MACF1: variants seen among roughly 807,000 people sequenced by gnomAD.
The protein encoded by MACF1 is microtubule actin crosslinking factor 1.
A neutral mutation model predicts 854.8 loss-of-function variants in MACF1; 193 were observed. The ratio of observed to expected loss-of-function variants is 0.23; its 90% CI spans 0.20 to 0.25. MACF1 has a LOEUF of 0.25. Among genes scored for constraint, MACF1 ranks in the 10% least tolerant of loss-of-function variants. The pLI is 1.00. For missense variants in MACF1, 7,722 were observed against 8,929.1 expected (o/e 0.86, Z 5.45); for synonymous variants, 3,185 against 3,226.7 (o/e 0.99, Z 0.44).
At chr1:39,195,572 G>A (rs1415654741) in intron 2 of MACF1, among the ~76,000 whole-genome samples, 2 of 152,164 alleles carry the variant, frequency 1.3e-5, no homozygotes, top group African/African-American at 4.8e-5. Context: ...GCTCAAGGGA[G>A]GGAGAAGTTT....
intron 31 of MACF1, among the ~76,000 whole-genome samples, chr1:39,319,975 G>A (rs1207025787): frequency 2.0e-5 from 3 of 152,140 alleles, no homozygotes; most frequent in African/African-American, 4.8e-5. Context: ...TTGCGTGACC[G>A]TAGGCCCTTT....
At chr1:39,377,556 A>G (rs1006087970) in intron 52 of MACF1, among the ~76,000 whole-genome samples, 2 of 152,238 alleles carry the variant, frequency 1.3e-5, no homozygotes, top group Admixed American at 6.5e-5. Context: ...AGCACAATTT[A>G]TAAGAATGTT....
At chr1:39,106,453 G>A (rs1642241122) in intron 2 of MACF1, among the ~76,000 whole-genome samples, 1 of 152,148 alleles carries the variant, frequency 6.6e-6, no homozygotes, top group Non-Finnish European at 1.5e-5. Context: ...CAGACAAGAG[G>A]GCCTGTGGAC....
chr1:39,414,080 C>T (rs372704424), intron 58 of MACF1: 8 of 1,604,888 alleles, frequency 5.0e-6, no homozygotes, highest in Non-Finnish European at 6.8e-6. Context: ...TCCCCAGCAG[C>T]TTCAGTGCCC....
At chr1:39,459,839 G>A (rs1644518583) in intron 91 of MACF1, 36 of 1,304,118 alleles carry the variant, frequency 2.8e-5, no homozygotes, top group Non-Finnish European at 3.5e-5. Context: ...GGAAGTGAGT[G>A]TTCTGTGTTT....
chr1:39,448,702 G>A lies in MACF1; in HGVS notation c.20197G>A (p.Asp6733Asn). The stretch of plus-strand genomic sequence containing the variant: ...GCTTCCCGAAGATAGTCAGAAACTT[G>A]ACAATTTCCTAGGAGAAGTCAGAGA... ...TLLPEDSQKLDNFLGEVRDKW... is the reference protein window; with the variant it reads ...TLLPEDSQKLNNFLGEVRDKW... The change falls in exon 84 of 101, where the codon GAC (aspartate) becomes AAC (asparagine). Residue 6733 changes from aspartate to asparagine, a missense_variant. By Grantham distance (23) the Asp-to-Asn change is conservative. This residue lies in a region of MACF1 where 729 missense variants were observed against 900.5 expected (regional missense o/e 0.81). Coordinates refer to ENST00000564288, the MANE Select transcript of MACF1 (RefSeq NM_001394062.1). 8.7e-6 allele frequency: 14 copies of A among 1,613,372 alleles called. No individual in the cohort carries two copies. Among genetic ancestry groups the A allele is most frequent in the Non-Finnish European group, 1.2e-5 (14 of 1,179,574 alleles).
intron 58 of MACF1, chr1:39,414,526 T>C: frequency 1.9e-6 from 3 of 1,607,162 alleles, no homozygotes; most frequent in Non-Finnish European, 2.6e-6. Flanking sequence ...TAAAGTGAGA[T>C]TTGCAGGGCT....
intron 2 of MACF1, among the ~76,000 whole-genome samples, chr1:39,114,170 G>T (rs1223673099): frequency 1.5e-5 from 2 of 137,122 alleles, no homozygotes; most frequent in Non-Finnish European, 1.5e-5. Context: ...CTAAAGCTCT[G>T]TATACTTTAC....
At chr1:39,394,037 T>A (rs1642171267) in intron 58 of MACF1, among the ~76,000 whole-genome samples, 1 of 152,138 alleles carries the variant, frequency 6.6e-6, no homozygotes. Context: ...CCCAAACCAG[T>A]TGGTCTTTTC....
intron 61 of MACF1, 115 bp downstream of exon 61, chr1:39,424,309 G>T: frequency 2.5e-6 from 2 of 784,522 alleles, no homozygotes; most frequent in South Asian, 4.6e-5. Context: ...GTGTTTAATG[G>T]CTTTTATTTG....
intron 66 of MACF1, among the ~76,000 whole-genome samples, chr1:39,432,287 A>T (rs963254761): frequency 6.6e-6 from 1 of 152,170 alleles, no homozygotes; most frequent in African/African-American, 2.4e-5. Flanking sequence ...AAGGGGATTG[A>T]TATCTGTTAT....
rs1265155778 is a variant in MACF1, at chr1:39,084,453, C to G, written c.220+15C>G. 4 of 1,599,840 alleles carry G rather than the reference C, an allele frequency of 2.5e-6. No individual in the cohort carries two copies. Among genetic ancestry groups the G allele is most frequent in the Non-Finnish European group, 3.4e-6 (4 of 1,176,944 alleles). Reference sequence around the variant, plus strand: ...CAGAGTCGCTGGTAAGAGAGGTCCCCCAGCAGGCTGGACGCTGTGGGTGTG... The same window carrying G: ...CAGAGTCGCTGGTAAGAGAGGTCCCGCAGCAGGCTGGACGCTGTGGGTGTG... On this transcript the variant is annotated intron_variant, in intron 2 of 93. Transcript: ENST00000361689. The surrounding 1 kb of genome is among the most constrained non-coding windows in gnomAD (Gnocchi z 5.2).
In MACF1 at chr1:39,468,668, G is replaced by A; in HGVS notation, c.21825G>A (p.Met7275Ile). ...TCCGTATTCTGCGCAGCACCGTGATGGTTCGCGTTGGTGGAGGATGGATGG... is the reference window on the plus strand; with the variant it reads ...TCCGTATTCTGCGCAGCACCGTGATAGTTCGCGTTGGTGGAGGATGGATGG... Reference protein sequence around the residue: ...RLVRILRSTVMVRVGGGWMAL... With the variant: ...RLVRILRSTVIVRVGGGWMAL... Residue 7275 changes from methionine (M) to isoleucine (I), a missense_variant, in exon 96 of 101, where the codon ATG becomes ATA. By Grantham distance (10) the Met-to-Ile change is conservative (BLOSUM62 1). Coordinates refer to ENST00000564288, the MANE Select transcript of MACF1 (RefSeq NM_001394062.1). 6.2e-7 allele frequency: 1 copy of A among 1,614,192 alleles called. No homozygotes were observed. Among genetic ancestry groups the A allele is most frequent in the South Asian group, 1.1e-5 (1 of 91,084 alleles).
chr1:39,285,475 CGAG>C, intron 13 of MACF1, 85 bp downstream of exon 13: 1 of 1,524,558 alleles, frequency 6.6e-7, no homozygotes, highest in African/African-American at 1.4e-5. Context: ...AGTTAGCAAT[CGAG>C]GAATCCAGAT....
chr1:39,434,107 A>G (rs1014111820), intron 68 of MACF1, among the ~76,000 whole-genome samples: 35 of 152,052 alleles, frequency 2.3e-4, no homozygotes, highest in Non-Finnish European at 2.9e-4. Flanking sequence ...TAATAATGCT[A>G]TATCTAAGGT....
chr1:39,098,124 C>T (rs1219944597), intron 2 of MACF1, among the ~76,000 whole-genome samples: 1 of 152,230 alleles, frequency 6.6e-6, no homozygotes, highest in Non-Finnish European at 1.5e-5. Context: ...GCAGGGCTCA[C>T]ATTAGCCTGA....
intron 2 of MACF1, among the ~76,000 whole-genome samples, chr1:39,093,305 C>CTT (rs34921076): frequency 2.0e-4 from 11 of 54,170 alleles, no homozygotes; most frequent in African/African-American, 2.8e-4. Context: ...TACTCCACTT[C>CTT]TTTTTTTTTT....
At chr1:39,189,787 C>A (rs1489821380) in intron 2 of MACF1, among the ~76,000 whole-genome samples, 1 of 152,152 alleles carries the variant, frequency 6.6e-6, no homozygotes, top group Admixed American at 6.6e-5. Flanking sequence ...CCTGACACAG[C>A]CTGTACTGCT....
intron 31 of MACF1, among the ~76,000 whole-genome samples, chr1:39,321,792 T>C (rs1204669706): frequency 6.6e-6 from 1 of 152,244 alleles, no homozygotes; most frequent in Non-Finnish European, 1.5e-5. Flanking sequence ...TAATAAATTA[T>C]ATGGGGATAT....
Sources: gnomAD v4.1 joint callset for allele counts (sites outside exome capture counted in the v4.1 genomes callset) on GRCh38, gnomAD v4.1.1 for gene constraint, gnomAD v4.1.1 regional missense constraint, Gnocchi (gnomAD v3.1) non-coding constraint, MANE v1.5 for transcripts, NCBI Gene and HGNC (gene_info 2026-07-23, HGNC 2026-07-21) for gene names.